The following SUN3 variants were observed in gnomAD, a reference collection of about 807,000 sequenced individuals.
SUN3 encodes the protein SUN domain-containing protein 3.
SUN3 carries 36 observed loss-of-function variants against 48.2 expected under a neutral mutation model. That is an observed-to-expected ratio of 0.75 (90% CI 0.57 to 0.99). The LOEUF (loss-of-function observed/expected upper bound fraction) is 0.99. SUN3 is among the 50% of genes least tolerant of loss of function. The pLI, the probability that SUN3 is intolerant of heterozygous loss-of-function variation, is 0.00. For missense variants in SUN3, 419 were observed against 433.1 expected (o/e 0.97, Z 0.29); for synonymous variants, 148 against 147.9 (o/e 1.00, Z 0.00).
Position 48,006,160 on chromosome 7 carries a change from A to G in SUN3, c.493-107T>C. On this transcript the variant is annotated intron_variant, in intron 5 of 9. Transcript: ENST00000297325. ...ACCTAATTTGCAAAATTAGAATAGC[A>G]GTGAGCCCCTATCAGCTGCACTCTG... 4.2e-6 allele frequency: 3 copies of G among 715,826 alleles called. No homozygotes were observed. The South Asian group carries it at 5.3e-5, about 13-fold the overall frequency. 44.3% of individuals were successfully genotyped at this position (715,826 alleles called of 1,614,324 possible). A position where few individuals can be genotyped will look rare whatever the true frequency, so the allele number is the denominator to read the frequency against.
chr7:48,035,373 G>A, the SUN3 span: 2 of 603,904 alleles, frequency 3.3e-6, no homozygotes, highest in South Asian at 1.9e-5. The surrounding 1 kb of genome is among the most constrained non-coding windows in gnomAD (Gnocchi z 4.0). Context: ...TCTGGGCTAC[G>A]GGCAGTTGAC....
chr7:48,023,176 A>G (rs1038965677), intron 2 of SUN3, among the ~76,000 whole-genome samples: 8 of 152,184 alleles, frequency 5.3e-5, no homozygotes, highest in Admixed American at 1.3e-4. Flanking sequence ...AGACAAATTT[A>G]TAAAGCATAA....
At chr7:48,026,583 C>G (rs1338837094) in intron 1 of SUN3, among the ~76,000 whole-genome samples, 1 of 53,294 alleles carries the variant, frequency 1.9e-5, no homozygotes, top group East Asian at 5.7e-4. Flanking sequence ...CACCCCCCAA[C>G]ACACACACAC....
At chr7:48,018,269 C>G (rs1173826465) in intron 2 of SUN3, among the ~76,000 whole-genome samples, 1 of 152,124 alleles carries the variant, frequency 6.6e-6, no homozygotes, top group Non-Finnish European at 1.5e-5. Flanking sequence ...CTCTCTCTCA[C>G]TCTCTCTCTG....
chr7:48,024,498 A>G (rs77196418), intron 2 of SUN3, among the ~76,000 whole-genome samples: 1,640 of 152,248 alleles, frequency 0.011, 18 homozygotes, highest in African/African-American at 0.037. Context: ...AATTTAAAAA[A>G]AAAGGAAAAA....
At chr7:48,006,553 G>GAACA (rs142608243) in intron 5 of SUN3, among the ~76,000 whole-genome samples, 3,682 of 152,146 alleles carry the variant, frequency 0.024, 144 homozygotes, top group African/African-American at 0.084. Flanking sequence ...TCTAAAAAAC[G>GAACA]AACAAACAAA....
intron 2 of SUN3, 72 bp downstream of exon 2, chr7:48,025,805 G>T: frequency 1.9e-6 from 2 of 1,045,958 alleles, no homozygotes; most frequent in Non-Finnish European, 2.9e-6. Context: ...GAGTCATTCC[G>T]TTGAGATCTC....
At chr7:48,031,869 C>CACACACACA (rs1790260606), upstream of SUN3, among the ~76,000 whole-genome samples, 1 of 150,328 alleles carries the variant, frequency 6.7e-6, no homozygotes, top group Non-Finnish European at 1.5e-5. Flanking sequence ...CACACACACA[C>CACACACACA]GGTGGGTGTG....
chr7:48,005,055 C>CACCT (rs1351642370), intron 6 of SUN3, among the ~76,000 whole-genome samples: 1 of 152,200 alleles, frequency 6.6e-6, no homozygotes, highest in Non-Finnish European at 1.5e-5. Context: ...GCTACTCTTG[C>CACCT]ACCTACATTC....
chr7:48,005,915 C>A, intron 6 of SUN3, 54 bp downstream of exon 6: 6 of 1,206,062 alleles, frequency 5.0e-6, no homozygotes, highest in Non-Finnish European at 7.2e-6. Flanking sequence ...TAGGGACATT[C>A]CTGAAGCATT....
At chr7:47,999,507 TTTAAA>T (rs1326937720) in intron 6 of SUN3, among the ~76,000 whole-genome samples, 3 of 152,184 alleles carry the variant, frequency 2.0e-5, no homozygotes, top group Non-Finnish European at 2.9e-5. Flanking sequence ...CCTGCCTTTT[TTTAAA>T]TATTAGTTGA....
intron 3 of SUN3, among the ~76,000 whole-genome samples, chr7:48,013,959 C>A (rs953253273): frequency 6.6e-6 from 1 of 152,024 alleles, no homozygotes; most frequent in Admixed American, 6.6e-5. Flanking sequence ...AGAAACACGG[C>A]CATAGTCATT....
chr7:48,007,053 T>G (rs941135400), intron 5 of SUN3, 112 bp downstream of exon 5: 3 of 1,095,528 alleles, frequency 2.7e-6, no homozygotes, highest in Non-Finnish European at 2.6e-6. Context: ...GACTTCCCAC[T>G]GGGAGAAGAA....
At chr7:48,001,788 G>A (rs768203034) in intron 6 of SUN3, among the ~76,000 whole-genome samples, 8 of 152,000 alleles carry the variant, frequency 5.3e-5, no homozygotes, top group South Asian at 4.1e-4. Flanking sequence ...TGCCCGCCTC[G>A]GCCTCCCAAA....
chr7:48,027,855 G>C (rs1325902489), intron 1 of SUN3, among the ~76,000 whole-genome samples: 1 of 152,172 alleles, frequency 6.6e-6, no homozygotes, highest in Admixed American at 6.5e-5. Flanking sequence ...GTGGTAGGGG[G>C]TCCACTGTAT....
intron 2 of SUN3, among the ~76,000 whole-genome samples, chr7:48,019,977 C>CAAAAAAAAAAAAAAAA (rs869166401): frequency 0.017 from 1,077 of 63,168 alleles, 1 homozygote; most frequent in Non-Finnish European, 0.029. Flanking sequence ...AAAGACACAT[C>CAAAAAAAAAAAAAAAA]AAAAAAAAAA....
Position 47,997,883 on chromosome 7 carries a change from T to C in SUN3, c.578-1737A>G, listed in dbSNP as rs113534222. ...GGCTACTTTCATTTAGCCAATGCAT[T>C]TGAGATTTATGAATGTTGGAATGAG... On this transcript the variant is annotated intron_variant, in intron 6 of 9. Transcript: ENST00000297325. Among the ~76,000 whole-genome samples the C allele has an allele frequency of 3.0e-3, 455 of 152,304 alleles. 6 individuals carry two copies. Among genetic ancestry groups the C allele is most frequent in the African/African-American group, 0.01 (424 of 41,568 alleles).
chr7:47,991,153 G>A, intron 8 of SUN3: 1 of 417,912 alleles, frequency 2.4e-6, no homozygotes, highest in Admixed American at 2.7e-5. Flanking sequence ...CTGGGCTCCA[G>A]TGATCCTCCT....
upstream of SUN3, among the ~76,000 whole-genome samples, chr7:48,033,145 C>T (rs1282094630): frequency 6.6e-6 from 1 of 152,162 alleles, no homozygotes; most frequent in East Asian, 1.9e-4. Flanking sequence ...AAAATAAAAA[C>T]ATTGAGATAT....
Sources: allele counts gnomAD v4.1 joint callset (sites outside exome capture counted in the v4.1 genomes callset), GRCh38; gene constraint gnomAD v4.1.1; non-coding constraint Gnocchi (gnomAD v3.1); transcripts MANE v1.5; gene names NCBI Gene and HGNC (gene_info 2026-07-23, HGNC 2026-07-21).